The following LSM4 variants were observed in gnomAD, a reference collection of about 807,000 sequenced individuals.
LSM4 encodes U6 snRNA-associated Sm-like protein LSm4.
LSM4 carries 15 observed loss-of-function variants against 22.3 expected under a neutral mutation model. That is an observed-to-expected ratio of 0.67 (90% CI 0.45 to 1.03). LSM4 has a LOEUF of 1.03. Among genes scored for constraint, LSM4 ranks in the 50% least tolerant of loss-of-function variants. LSM4 has a pLI of 0.00. For synonymous variants in LSM4, 90 were observed against 79.8 expected, an observed-to-expected ratio of 1.13 and a Z score of -0.68; for missense variants, 127 against 198.0, an observed-to-expected ratio of 0.64 and a Z score of 2.15.
chr19:18,309,261 A>C, intron 4 of LSM4: 1 of 165,974 alleles, frequency 6.0e-6, no homozygotes, highest in Non-Finnish European at 1.3e-5. Context: ...GAGGTGAGGA[A>C]GGGCAGGGGC....
chr19:18,319,266 A>G (rs1245461720), intron 1 of LSM4, among the ~76,000 whole-genome samples: 1 of 151,330 alleles, frequency 6.6e-6, no homozygotes, highest in Admixed American at 6.6e-5. Context: ...CAAAAAAACA[A>G]AACAAAAGAA....
intron 2 of LSM4, among the ~76,000 whole-genome samples, chr19:18,315,202 G>T (rs1449251522): frequency 2.0e-5 from 3 of 151,966 alleles, no homozygotes; most frequent in Non-Finnish European, 2.9e-5. Context: ...TTGGAGACAG[G>T]GTTTCACTGT....
At chr19:18,308,016 AAG>A (rs1339813854) in intron 4 of LSM4, among the ~76,000 whole-genome samples, 2 of 151,836 alleles carry the variant, frequency 1.3e-5, no homozygotes, top group East Asian at 3.9e-4. Context: ...GGAAAACAGA[AAG>A]AGGGATTTCT....
intron 1 of LSM4, among the ~76,000 whole-genome samples, chr19:18,321,509 G>A (rs1970424110): frequency 6.6e-6 from 1 of 152,192 alleles, no homozygotes; most frequent in Non-Finnish European, 1.5e-5. Context: ...TTAGTTTATA[G>A]TTTGACTCTG....
At position 18,323,029 on chromosome 19, in the gene LSM4, C is replaced by G. The variant is rs772148327; in HGVS notation, c.-9G>C. 2.6e-6 allele frequency: 4 copies of G among 1,556,426 alleles called. No homozygotes were observed. The highest frequency in any genetic ancestry group is 3.5e-6 in the Non-Finnish European group (4 of 1,158,772). ...TGCCCTGCCCTCACCATGGTGCCGG[C>G]GGGGACCGGGCTCGCCGGCCACTTC... On this transcript the variant is annotated 5_prime_UTR_variant, in exon 1 of 5. Transcript: ENST00000593829.
At chr19:18,308,906 A>G (rs946766873) in intron 4 of LSM4, among the ~76,000 whole-genome samples, 16 of 152,122 alleles carry the variant, frequency 1.1e-4, no homozygotes, top group Admixed American at 7.2e-4. Context: ...GGCTTCCTGC[A>G]GAGCAGCCAG....
Position 18,309,691 on chromosome 19 carries a change from G to T in LSM4, c.315C>A (p.Gly105=). 6.2e-7 allele frequency: 1 copy of T among 1,605,870 alleles called. No homozygotes were observed. The highest frequency in any genetic ancestry group is 8.5e-7 in the Non-Finnish European group (1 of 1,177,186). ...QQKQQKGRGM[G]GAGRGVFGGR... is the part of the protein sequence containing the mutation. ...GGGGAGACCCACCTCGGCCAGCGCC[G>T]CCCATGCCGCGGCCTTTCTGCTGCT... Residue 105 remains glycine (G), a synonymous_variant, in exon 4 of 5, where the codon GGC becomes GGA. Transcript: ENST00000593829.
At chr19:18,317,737 C>A (rs987513754) in intron 1 of LSM4, among the ~76,000 whole-genome samples, 1 of 151,790 alleles carries the variant, frequency 6.6e-6, no homozygotes, top group African/African-American at 2.4e-5. Flanking sequence ...TACTATATTG[C>A]CCAAGCTGGT....
In LSM4 at chr19:18,312,798, C is replaced by T. The variant is rs555385343; in HGVS notation, c.46-96G>A. 70 of 891,056 alleles carry T rather than the reference C, an allele frequency of 7.9e-5. No individual in the cohort carries two copies. In the African/African-American group the frequency reaches 9.4e-4, roughly 12 times the overall value. The allele number at this position is 891,056 out of a possible 1,614,324, so 55.2% of individuals were successfully genotyped here. ...AGCTCTGCCCTGAGATGGACCACCA[C>T]CTCCGGGCCTCAGCCCACAGTTCCC... On this transcript the variant is annotated intron_variant, in intron 2 of 4. Coordinates refer to ENST00000593829, the MANE Select transcript of LSM4 (RefSeq NM_012321.5).
At chr19:18,315,688 C>G (rs963069115) in intron 2 of LSM4, among the ~76,000 whole-genome samples, 4 of 151,998 alleles carry the variant, frequency 2.6e-5, no homozygotes, top group African/African-American at 9.7e-5. Context: ...ACTATAGGCA[C>G]ACACCACCTC....
chr19:18,307,401 A>T lies in LSM4; in HGVS notation c.*63T>A. 1 of 1,375,848 alleles carries T rather than the reference A, an allele frequency of 7.3e-7. No homozygotes were observed. The highest frequency in any genetic ancestry group is 2.8e-5 in the East Asian group (1 of 35,146). 85.2% of individuals were successfully genotyped at this position (1,375,848 alleles called of 1,614,324 possible). A position where few individuals can be genotyped will look rare whatever the true frequency, so the allele number is the denominator to read the frequency against. The stretch of plus-strand genomic sequence containing the variant: ...CTTCCTTTCTGAGCAGATCCGTCCG[A>T]GACTGTGGAGCGGAATCGCCACCCT... On this transcript the variant is annotated 3_prime_UTR_variant, in exon 5 of 5. Coordinates refer to ENST00000593829, the MANE Select transcript of LSM4 (RefSeq NM_012321.5).
At chr19:18,321,907 C>G (rs1054234895) in intron 1 of LSM4, among the ~76,000 whole-genome samples, 1 of 152,050 alleles carries the variant, frequency 6.6e-6, no homozygotes, top group African/African-American at 2.4e-5. Flanking sequence ...ACTTCCTGAG[C>G]CCCTACCCGC....
intron 2 of LSM4, among the ~76,000 whole-genome samples, 194 bp from the exon 3 acceptor site, chr19:18,312,896 T>C (rs929371883): frequency 6.6e-6 from 1 of 152,150 alleles, no homozygotes; most frequent in African/African-American, 2.4e-5. Context: ...AGTTAGACAG[T>C]CTATCATGAC....
intron 4 of LSM4, among the ~76,000 whole-genome samples, chr19:18,307,792 G>C (rs949950120): frequency 2.0e-5 from 3 of 152,076 alleles, no homozygotes; most frequent in Non-Finnish European, 2.9e-5. Flanking sequence ...GATGCGGGGG[G>C]GGGGGACTAG....
chr19:18,320,484 G>A (rs1970413971), intron 1 of LSM4, among the ~76,000 whole-genome samples: 1 of 151,954 alleles, frequency 6.6e-6, no homozygotes, highest in Non-Finnish European at 1.5e-5. Flanking sequence ...GCCTGGATGA[G>A]AGTGAGATCT....
chr19:18,308,433 C>G (rs978163346), intron 4 of LSM4, among the ~76,000 whole-genome samples: 1 of 152,242 alleles, frequency 6.6e-6, no homozygotes, highest in Non-Finnish European at 1.5e-5. Context: ...AACTTTCTAG[C>G]TGGACGAACG....
chr19:18,321,165 CTGAA>C lies in LSM4; in HGVS notation c.3+1849_3+1852del, dbSNP rs540934062. ...TGGATGTTCAGAAGGTGGGAAGGGG[CTGAA>C]TGAATGAGTTCACACTTTGCCCACG... is the stretch of plus-strand genomic sequence containing the variant. On this transcript the variant is annotated intron_variant, in intron 1 of 4. Coordinates refer to ENST00000593829, the MANE Select transcript of LSM4 (RefSeq NM_012321.5). Among the ~76,000 whole-genome samples the C allele has an allele frequency of 1.5e-3, 229 of 152,336 alleles. 1 individual carries two copies. Among genetic ancestry groups the C allele is most frequent in the African/African-American group, 5.3e-3 (220 of 41,570 alleles).
chr19:18,314,045 C>T (rs1171473228), intron 2 of LSM4, among the ~76,000 whole-genome samples: 2 of 152,020 alleles, frequency 1.3e-5, no homozygotes, highest in Non-Finnish European at 2.9e-5. Flanking sequence ...AACTCCTGAC[C>T]TCAGGTGATC....
At chr19:18,312,246 T>A in intron 3 of LSM4, 1 of 227,152 alleles carries the variant, frequency 4.4e-6, no homozygotes, top group Non-Finnish European at 8.9e-6. Context: ...GCCCGCAGAG[T>A]GCAGGCAACA....
Sources: gnomAD v4.1 joint callset for allele counts (sites outside exome capture counted in the v4.1 genomes callset) on GRCh38, gnomAD v4.1.1 for gene constraint, MANE v1.5 for transcripts, NCBI Gene and HGNC (gene_info 2026-07-23, HGNC 2026-07-21) for gene names.